Variants in NALCN observed in about 807,000 individuals in gnomAD.
The protein encoded by NALCN is sodium leak channel NALCN.
Under a neutral mutation model 225.3 loss-of-function variants are expected in NALCN, and 111 were observed. The ratio of observed to expected loss-of-function variants is 0.49; its 90% confidence interval spans 0.42 to 0.58. NALCN has a LOEUF of 0.58. NALCN is among the 20% of genes least tolerant of loss of function. The pLI is 0.00. For synonymous variants in NALCN, 764 were observed against 769.0 expected, an observed-to-expected ratio of 0.99 and a Z score of 0.11; for missense variants, 1,378 against 2,202.4, an observed-to-expected ratio of 0.63 and a Z score of 7.49.
chr13:101,101,719 T>TA (rs2034833380), intron 26 of NALCN, among the ~76,000 whole-genome samples: 1 of 152,288 alleles, frequency 6.6e-6, no homozygotes, highest in East Asian at 1.9e-4. Flanking sequence ...GCAAATCTGT[T>TA]AATTAACTCA....
chr13:101,329,296 C>G (rs938311496), intron 7 of NALCN, among the ~76,000 whole-genome samples: 23 of 152,190 alleles, frequency 1.5e-4, no homozygotes, highest in African/African-American at 5.5e-4. Context: ...TCATATTTTG[C>G]TTATTTGCTG....
chr13:101,098,763 C>A (rs187264322), intron 27 of NALCN, among the ~76,000 whole-genome samples: 1 of 152,232 alleles, frequency 6.6e-6, no homozygotes, highest in East Asian at 1.9e-4. Flanking sequence ...GTCACCTTCA[C>A]TCATGGCGTT....
chr13:101,378,165 T>C (rs2046747340), intron 4 of NALCN, among the ~76,000 whole-genome samples: 1 of 152,050 alleles, frequency 6.6e-6, no homozygotes, highest in African/African-American at 2.4e-5. Context: ...TAATTTTCTA[T>C]AGTATTGATT....
At chr13:101,279,372 A>G (rs1177886898) in intron 10 of NALCN, among the ~76,000 whole-genome samples, 2 of 152,236 alleles carry the variant, frequency 1.3e-5, no homozygotes, top group Non-Finnish European at 2.9e-5. Flanking sequence ...CAGGAGTCTG[A>G]GAAGAATCGA....
intron 7 of NALCN, among the ~76,000 whole-genome samples, chr13:101,337,274 TTTA>T (rs1286555183): frequency 2.2e-4 from 32 of 147,256 alleles, no homozygotes; most frequent in Middle Eastern, 3.5e-3. Flanking sequence ...ACATTTACTC[TTTA>T]TTATTTATTT....
At chr13:101,354,636 G>T (rs575989346) in intron 6 of NALCN, among the ~76,000 whole-genome samples, 195 of 152,290 alleles carry the variant, frequency 1.3e-3, no homozygotes, top group African/African-American at 4.5e-3. Flanking sequence ...ATTAACTTTG[G>T]CAAGGAGCAA....
chr13:101,247,700 T>G (rs1325416670), intron 11 of NALCN, among the ~76,000 whole-genome samples: 1 of 152,150 alleles, frequency 6.6e-6, no homozygotes, highest in Admixed American at 6.5e-5. Flanking sequence ...TATGCAGGTT[T>G]GTTACATAAG....
chr13:101,319,291 C>A (rs2044663332), intron 7 of NALCN, among the ~76,000 whole-genome samples: 1 of 152,170 alleles, frequency 6.6e-6, no homozygotes, highest in Non-Finnish European at 1.5e-5. Context: ...GCTCCTCCTG[C>A]AGCCTCTCCC....
chr13:101,269,223 T>C (rs1471113642), intron 10 of NALCN, among the ~76,000 whole-genome samples: 2 of 149,976 alleles, frequency 1.3e-5, no homozygotes, highest in Admixed American at 6.7e-5. Flanking sequence ...TATATATATA[T>C]ATATATATAT....
At chr13:101,216,563 T>A (rs2040739567) in intron 13 of NALCN, among the ~76,000 whole-genome samples, 1 of 152,226 alleles carries the variant, frequency 6.6e-6, no homozygotes, top group African/African-American at 2.4e-5. Flanking sequence ...TAAAAATACA[T>A]GAAAGACAGA....
At chr13:101,088,836 A>C (rs2034062896) in intron 30 of NALCN, among the ~76,000 whole-genome samples, 1 of 152,026 alleles carries the variant, frequency 6.6e-6, no homozygotes, top group African/African-American at 2.4e-5. Context: ...GCTGTTACAA[A>C]CTCAACAGGC....
chr13:101,212,029 C>A (rs188474359), intron 13 of NALCN, among the ~76,000 whole-genome samples: 1 of 152,056 alleles, frequency 6.6e-6, no homozygotes, highest in Admixed American at 6.6e-5. Flanking sequence ...CAAAAGCTCC[C>A]TTGTGTCACA....
chr13:101,404,647 G>A (rs1012082881), intron 1 of NALCN, among the ~76,000 whole-genome samples: 4 of 152,128 alleles, frequency 2.6e-5, no homozygotes, highest in African/African-American at 9.7e-5. Flanking sequence ...ATCTCTTTTA[G>A]GACTTTCTTT....
chr13:101,284,074 ACT>A, intron 9 of NALCN, 55 bp from the exon 10 acceptor site: 2 of 1,405,592 alleles, frequency 1.4e-6, no homozygotes, highest in Non-Finnish European at 2.0e-6. Flanking sequence ...AACATTGAGA[ACT>A]CTATGTCTCC....
intron 6 of NALCN, among the ~76,000 whole-genome samples, chr13:101,369,363 T>A (rs2046474008): frequency 6.6e-6 from 1 of 152,158 alleles, no homozygotes; most frequent in South Asian, 2.1e-4. Flanking sequence ...AATATTTAGA[T>A]CACAAGGCAT....
Position 101,291,992 on chromosome 13 carries a change from G to T in NALCN, c.1045C>A (p.Gln349Lys). 6.2e-7 allele frequency: 1 copy of T among 1,613,878 alleles called. No individual in the cohort carries two copies. The highest frequency in any genetic ancestry group is 8.5e-7 in the Non-Finnish European group (1 of 1,179,898). Reference protein sequence around the residue: ...RSSTTSTATTQMFHEDAAGGW... With the variant: ...RSSTTSTATTKMFHEDAAGGW... ...ACATCCTCTTGCTGATAGCGTACCT[G>T]GGTGGTGGCTGTTGAGGTAGTGCTG... Residue 349 changes from glutamine to lysine, a missense_variant and splice_region_variant, in exon 9 of 44, where the codon CAG (glutamine) becomes AAG (lysine). By Grantham distance (53) the Gln-to-Lys change is moderately conservative (BLOSUM62 1). Coordinates refer to ENST00000251127, the MANE Select transcript of NALCN (RefSeq NM_052867.4).
At chr13:101,132,164 T>G (rs1006349060) in intron 17 of NALCN, among the ~76,000 whole-genome samples, 1 of 152,256 alleles carries the variant, frequency 6.6e-6, no homozygotes, top group African/African-American at 2.4e-5. Flanking sequence ...CCTCTAAAAA[T>G]GCCATTAGCT....
chr13:101,283,894 C>T (rs772883401), intron 10 of NALCN, 39 bp downstream of exon 10: 1 of 1,532,930 alleles, frequency 6.5e-7, no homozygotes, highest in Admixed American at 2.1e-5. Flanking sequence ...ATTCAAAGAC[C>T]TTTGCTGGGC....
chr13:101,110,979 T>C (rs1715976502), intron 19 of NALCN, 146 bp downstream of exon 19: 3 of 817,178 alleles, frequency 3.7e-6, no homozygotes, highest in Non-Finnish European at 5.8e-6. Flanking sequence ...TGTTTCATTA[T>C]TGTAACAAAC....
Sources: allele counts gnomAD v4.1 joint callset (sites outside exome capture counted in the v4.1 genomes callset), GRCh38; gene constraint gnomAD v4.1.1; transcripts MANE v1.5; gene names NCBI Gene and HGNC (gene_info 2026-07-23, HGNC 2026-07-21).